The following APBA2 variants were observed in gnomAD, a reference collection of about 807,000 sequenced individuals.
APBA2 encodes the protein amyloid beta precursor protein binding family A member 2, also known as amyloid-beta A4 precursor protein-binding family A member 2.
In APBA2, 30 loss-of-function variants were observed where a neutral mutation model predicts 75.0. The observed-to-expected ratio is 0.40, with a 90% CI of 0.30 to 0.54. The LOEUF is 0.54. Among genes scored for constraint, APBA2 ranks in the 20% least tolerant of loss-of-function variants. APBA2 has a pLI of 0.49. For missense variants in APBA2, 801 were observed against 1,016.1 expected (o/e 0.79, Z 2.88); for synonymous variants, 444 against 409.6 (o/e 1.08, Z -1.01).
chr15:28,980,525 G>A (rs907448449), intron 2 of APBA2, among the ~76,000 whole-genome samples: 58 of 152,212 alleles, frequency 3.8e-4, no homozygotes, highest in African/African-American at 1.3e-3. Context: ...GAACCAAGGA[G>A]GTGAAAGAAA....
Position 29,101,596 on chromosome 15 carries a change from C to A in APBA2, c.1339-3C>A, listed in dbSNP as rs752146440. ...TGACGTGGCACTGTCTCCCTCCCGA[C>A]AGGAAACCATGATGGACCACGCCTT... is the stretch of plus-strand genomic sequence containing the variant. On this transcript the variant is annotated splice_polypyrimidine_tract_variant and splice_region_variant and intron_variant, in intron 9 of 14. Transcript: ENST00000683413. The A allele has an allele frequency of 1.8e-5, 29 of 1,612,732 alleles. No homozygotes were observed. The highest frequency in any genetic ancestry group is 1.6e-4 in the Middle Eastern group (1 of 6,082).
chr15:28,982,755 A>C (rs1218533503), intron 2 of APBA2, among the ~76,000 whole-genome samples: 1 of 152,214 alleles, frequency 6.6e-6, no homozygotes, highest in Admixed American at 6.5e-5. Context: ...TGACCAATTC[A>C]AGGACACGTT....
intron 2 of APBA2, among the ~76,000 whole-genome samples, chr15:28,995,036 A>C (rs1461701728): frequency 1.3e-5 from 2 of 152,134 alleles, no homozygotes; most frequent in African/African-American, 4.8e-5. Context: ...TGTTGCAGAC[A>C]ATTGAACACC....
intron 2 of APBA2, among the ~76,000 whole-genome samples, chr15:28,993,914 T>C (rs1248700254): frequency 6.6e-6 from 1 of 152,070 alleles, no homozygotes; most frequent in Non-Finnish European, 1.5e-5. Flanking sequence ...AGCCGGAGTT[T>C]AGGGTGCCTG....
intron 3 of APBA2, among the ~76,000 whole-genome samples, chr15:29,045,084 TC>T (rs2041246361): frequency 7.1e-6 from 1 of 140,676 alleles, no homozygotes; most frequent in African/African-American, 2.9e-5. Flanking sequence ...TCTCTCTCTC[TC>T]TCTCTCTCTC....
At chr15:28,893,535 G>A (rs1274817989) in intron 1 of APBA2, among the ~76,000 whole-genome samples, 1 of 152,198 alleles carries the variant, frequency 6.6e-6, no homozygotes, top group Non-Finnish European at 1.5e-5. Flanking sequence ...TGATTGTCTC[G>A]GGAATGGCAT....
intron 5 of APBA2, 91 bp downstream of exon 5, chr15:29,075,092 T>A: frequency 1.0e-6 from 1 of 991,528 alleles, no homozygotes; most frequent in Non-Finnish European, 1.6e-6. Flanking sequence ...ACTTTGTCCA[T>A]GATGTTCTCA....
At chr15:28,969,150 TTC>T (rs1491098176) in intron 2 of APBA2, among the ~76,000 whole-genome samples, 1 of 76,494 alleles carries the variant, frequency 1.3e-5, no homozygotes, top group Non-Finnish European at 2.0e-5. Flanking sequence ...CTTTCTTTCT[TTC>T]TTTCTTTCTT....
chr15:29,081,818 T>G (rs529314966), intron 6 of APBA2, among the ~76,000 whole-genome samples: 1 of 152,342 alleles, frequency 6.6e-6, no homozygotes, highest in African/African-American at 2.4e-5. Context: ...TGTTGGGAGA[T>G]TTCCAGTCAG....
chr15:28,886,933 C>T (rs565979036), intron 1 of APBA2, among the ~76,000 whole-genome samples: 2 of 152,316 alleles, frequency 1.3e-5, no homozygotes, highest in African/African-American at 4.8e-5. Context: ...GATCTGGCTG[C>T]AGATGGTGAA....
intron 6 of APBA2, among the ~76,000 whole-genome samples, chr15:29,088,496 A>G (rs1408696766): frequency 3.3e-5 from 5 of 151,948 alleles, no homozygotes; most frequent in African/African-American, 1.2e-4. Flanking sequence ...CTCTGCAACC[A>G]TTGTCTAGCG....
rs1162469698 is a variant in APBA2, at chr15:29,117,088, C to T, written c.2205C>T (p.Ala735=). 6.2e-7 allele frequency: 1 copy of T among 1,613,318 alleles called. No homozygotes were observed. The highest frequency in any genetic ancestry group is 8.5e-7 in the Non-Finnish European group (1 of 1,179,960). The change falls in exon 15 of 15, where the codon GCC becomes GCT. Residue 735 remains alanine, a synonymous_variant. Transcript: ENST00000683413. ...GEIHMKTMPA[A]MFRLLTGQET... is the part of the protein sequence containing the mutation. ...TCCACATGAAGACCATGCCCGCCGC[C>T]ATGTTCAGGCTCCTCACGGGTCAGG...
intron 2 of APBA2, among the ~76,000 whole-genome samples, chr15:28,944,415 C>T (rs1265880635): frequency 6.6e-6 from 1 of 152,188 alleles, no homozygotes; most frequent in Non-Finnish European, 1.5e-5. Context: ...CCTCCTGGGT[C>T]TCCATCACCC....
intron 3 of APBA2, among the ~76,000 whole-genome samples, chr15:28,997,400 G>T (rs1448115730): frequency 1.3e-5 from 2 of 152,144 alleles, no homozygotes; most frequent in East Asian, 3.9e-4. Flanking sequence ...GGCCTTTTCT[G>T]CTCTATTTAA....
chr15:29,036,301 G>A (rs897820013), intron 3 of APBA2, among the ~76,000 whole-genome samples: 6 of 152,270 alleles, frequency 3.9e-5, no homozygotes, highest in African/African-American at 1.4e-4. Context: ...ATTTCTTGGG[G>A]AAGAAAATGT....
intron 1 of APBA2, among the ~76,000 whole-genome samples, chr15:28,891,407 C>T (rs753528151): frequency 6.6e-5 from 10 of 152,012 alleles, no homozygotes; most frequent in Non-Finnish European, 1.3e-4. Context: ...TTGTTTTTCA[C>T]GGGGTGGGCA....
At chr15:28,892,349 A>G (rs1204657082) in intron 1 of APBA2, among the ~76,000 whole-genome samples, 1 of 152,216 alleles carries the variant, frequency 6.6e-6, no homozygotes, top group African/African-American at 2.4e-5. Context: ...TGCTGGGATT[A>G]CAGGCGTGAG....
chr15:29,019,071 C>A (rs936336865), intron 3 of APBA2, among the ~76,000 whole-genome samples: 9 of 152,192 alleles, frequency 5.9e-5, no homozygotes, highest in Non-Finnish European at 1.5e-5. Context: ...GCCCCTAAAC[C>A]TGCAGACTGG....
At chr15:28,962,759 T>C (rs898324718) in intron 2 of APBA2, among the ~76,000 whole-genome samples, 5 of 152,106 alleles carry the variant, frequency 3.3e-5, no homozygotes, top group Non-Finnish European at 5.9e-5. Flanking sequence ...TTCCCATTGC[T>C]CTTCCACTAG....
Sources: allele counts gnomAD v4.1 joint callset (sites outside exome capture counted in the v4.1 genomes callset), GRCh38; gene constraint gnomAD v4.1.1; transcripts MANE v1.5; gene names NCBI Gene and HGNC (gene_info 2026-07-23, HGNC 2026-07-21).